AKAP13: variants seen among roughly 807,000 people sequenced by gnomAD.
AKAP13 encodes A-kinase anchor protein 13.
In AKAP13, 80 loss-of-function variants were observed where a neutral mutation model predicts 264.5. That is an observed-to-expected ratio of 0.30 (90% CI 0.25 to 0.36). AKAP13 has a LOEUF of 0.36. Ranked by LOEUF, AKAP13 falls within the 10% of genes least tolerant of loss-of-function variation. The probability of loss-of-function intolerance (pLI) is 1.00; values close to 1 mark genes in which losing one functional copy is unlikely to be tolerated. For missense variants in AKAP13, 3,712 were observed against 3,435.2 expected (o/e 1.08, Z -2.01); for synonymous variants, 1,380 against 1,250.2 (o/e 1.10, Z -2.19).
chr15:85,699,626 T>G (rs1216781567), intron 17 of AKAP13, among the ~76,000 whole-genome samples: 1 of 152,202 alleles, frequency 6.6e-6, no homozygotes, highest in Non-Finnish European at 1.5e-5. Flanking sequence ...AAAAACAAAA[T>G]GTAAATATTG....
intron 1 of AKAP13, among the ~76,000 whole-genome samples, chr15:85,441,202 A>G (rs1277398846): frequency 6.6e-6 from 1 of 150,556 alleles, no homozygotes; most frequent in Admixed American, 6.6e-5. Flanking sequence ...GGTATTTTTA[A>G]TCTTTTTTTT....
At chr15:85,625,984 C>T (rs754166744) in intron 8 of AKAP13, among the ~76,000 whole-genome samples, 75 of 152,188 alleles carry the variant, frequency 4.9e-4, no homozygotes, top group Admixed American at 1.2e-3. Context: ...TTATAGTAAG[C>T]ACAATATTCT....
chr15:85,579,290 G>T lies in AKAP13; in HGVS notation c.1222G>T (p.Gly408Ter). The T allele has an allele frequency of 6.2e-7, 1 of 1,614,204 alleles. No individual in the cohort carries two copies. The highest frequency in any genetic ancestry group is 8.5e-7 in the Non-Finnish European group (1 of 1,180,048). ...CTGCCTTCAGAGCTTGCCTGATTGT[G>T]GAGTAAAGGGCACGGAAGGCCTTTC... ...DSCLQSLPDC[G>*]VKGTEGLSSC... is the part of the protein sequence containing the mutation. Residue 408 changes from glycine (G) to a stop codon, truncating the protein, a stop_gained, in exon 7 of 37, where the codon GGA (glycine) becomes TGA (stop). Transcript: ENST00000394518. LOFTEE classifies it high-confidence loss of function.
intron 1 of AKAP13, among the ~76,000 whole-genome samples, chr15:85,438,781 T>C (rs1460951385): frequency 1.4e-3 from 216 of 151,738 alleles, no homozygotes; most frequent in African/African-American, 4.8e-3. Flanking sequence ...AAAGCTGAAA[T>C]TGAATCCCTT....
At position 85,514,935 on chromosome 15, in the gene AKAP13, CTT is replaced by C. The variant is rs1393695267; in HGVS notation, c.34-6492_34-6491del. Among the ~76,000 whole-genome samples the C allele has an allele frequency of 2.9e-5, 4 of 135,648 alleles. 1 individual carries two copies. The highest frequency in any genetic ancestry group is 6.2e-5 in the Non-Finnish European group (4 of 64,118). The allele number at this position is 135,648 out of a possible 152,430, so 89.0% of individuals were successfully genotyped here. On this transcript the variant is annotated intron_variant, in intron 2 of 36. Transcript: ENST00000394518. The stretch of plus-strand genomic sequence containing the variant: ...GTTTTTATTTAGTTTACTTAACTCT[CTT>C]GTTTCACTTTTCCCAAATTTGCAGT...
At chr15:85,621,922 A>C (rs2081209831) in intron 8 of AKAP13, among the ~76,000 whole-genome samples, 1 of 152,186 alleles carries the variant, frequency 6.6e-6, no homozygotes. Context: ...ATAATAAAAG[A>C]TTTTCAGTGG....
At chr15:85,699,893 G>A (rs939006928) in intron 17 of AKAP13, among the ~76,000 whole-genome samples, 1 of 152,202 alleles carries the variant, frequency 6.6e-6, no homozygotes, top group Admixed American at 6.5e-5. Context: ...GGAGATTTAA[G>A]GTTGAAAGTT....
Position 85,664,680 on chromosome 15 carries a change from G to T in AKAP13, c.4917G>T (p.Arg1639=). The T allele has an allele frequency of 1.2e-6, 2 of 1,614,104 alleles. No individual in the cohort carries two copies. Among genetic ancestry groups the T allele is most frequent in the Non-Finnish European group, 1.7e-6 (2 of 1,179,970 alleles). ...ELRHPFSGEE[R]VDSLVSLSEE... ...GACACCCATTCAGTGGTGAGGAACG[G>T]GTTGACTCTTTGGTGTCACTTTCAG... is the stretch of plus-strand genomic sequence containing the variant. The change falls in exon 13 of 37, where the codon CGG becomes CGT. Residue 1639 remains arginine, a synonymous_variant. Transcript: ENST00000394518.
intron 1 of AKAP13, among the ~76,000 whole-genome samples, chr15:85,473,285 T>A (rs1381092045): frequency 6.6e-6 from 1 of 152,188 alleles, no homozygotes; most frequent in Admixed American, 6.5e-5. Context: ...GATGTAGGCT[T>A]ACAGACCCAG....
intron 2 of AKAP13, among the ~76,000 whole-genome samples, chr15:85,487,112 CT>C (rs1596317728): frequency 6.6e-6 from 1 of 152,156 alleles, no homozygotes; most frequent in Non-Finnish European, 1.5e-5. Flanking sequence ...AAACTATAGC[CT>C]TGTGTCAGAG....
intron 1 of AKAP13, among the ~76,000 whole-genome samples, chr15:85,465,125 A>AT (rs566642021): frequency 1.4e-4 from 16 of 111,006 alleles, no homozygotes; most frequent in South Asian, 2.7e-4. Flanking sequence ...TTTTTTTTGT[A>AT]TTTTTTTTTA....
chr15:85,669,780 C>T lies in AKAP13; in HGVS notation c.5051C>T (p.Pro1684Leu). 6.2e-7 allele frequency: 1 copy of T among 1,613,668 alleles called. No homozygotes were observed. The highest frequency in any genetic ancestry group is 8.5e-7 in the Non-Finnish European group (1 of 1,179,654). ...FNYCTSAISSPLTKSISLMTI... is the reference protein window; with the variant it reads ...FNYCTSAISSLLTKSISLMTI... ...TACTGTACATCAGCCATTTCCTCTC[C>T]ATTGACAAAATCCATCTCATTAATG... The change falls in exon 14 of 37, where the codon CCA becomes CTA. Residue 1684 changes from proline to leucine, a missense_variant. This residue lies in a region of AKAP13 where 2,759 missense variants were observed against 2,411.7 expected (regional missense o/e 1.14). Coordinates refer to ENST00000394518, the MANE Select transcript of AKAP13 (RefSeq NM_007200.5).
chr15:85,486,463 G>A (rs2075548914), intron 2 of AKAP13, among the ~76,000 whole-genome samples: 1 of 151,870 alleles, frequency 6.6e-6, no homozygotes, highest in African/African-American at 2.4e-5. Context: ...TTTTTCTTTT[G>A]CATGTGGATC....
intron 30 of AKAP13, 79 bp from the exon 31 acceptor site, chr15:85,734,913 A>C (rs924126099): frequency 3.3e-6 from 5 of 1,533,874 alleles, no homozygotes; most frequent in Non-Finnish European, 3.5e-6. Context: ...TGCTCTTTGT[A>C]CGTATCATAT....
intron 2 of AKAP13, among the ~76,000 whole-genome samples, chr15:85,494,388 C>T (rs1398104736): frequency 3.3e-5 from 5 of 152,216 alleles, no homozygotes; most frequent in African/African-American, 7.2e-5. Context: ...TGGAAGAGAT[C>T]TGTCTAGGCC....
intron 8 of AKAP13, among the ~76,000 whole-genome samples, chr15:85,631,553 C>CACACACACAT (rs2081827700): frequency 7.4e-6 from 1 of 135,954 alleles, no homozygotes; most frequent in African/African-American, 2.7e-5. Context: ...CACACACACA[C>CACACACACAT]TAAATGCAAT....
intron 17 of AKAP13, 22 bp from the exon 18 acceptor site, chr15:85,707,997 C>G: frequency 1.2e-6 from 2 of 1,613,030 alleles, no homozygotes; most frequent in Non-Finnish European, 1.7e-6. Context: ...TCCATGTGAC[C>G]TTGGGTTTGC....
chr15:85,432,169 A>G lies in AKAP13; in HGVS notation c.-12+51371A>G, dbSNP rs1421634349. ...ATAGCTTTCTCTTTTAGCTATTTCA[A>G]CTCAATTCTAACCTCATTCCTAACT... On this transcript the variant is annotated intron_variant, in intron 1 of 36. Coordinates refer to ENST00000394518, the MANE Select transcript of AKAP13 (RefSeq NM_007200.5). Among the ~76,000 whole-genome samples, 12 of 152,238 alleles carry G rather than the reference A, an allele frequency of 7.9e-5. No individual in the cohort carries two copies. In the Middle Eastern group the frequency reaches 0.017, roughly 219 times the overall value.
intron 1 of AKAP13, among the ~76,000 whole-genome samples, chr15:85,480,115 G>T (rs2075303746): frequency 6.6e-6 from 1 of 152,156 alleles, no homozygotes; most frequent in Non-Finnish European, 1.5e-5. Flanking sequence ...AGATTATTTA[G>T]GGATGAAAAT....
Sources: gnomAD v4.1 joint callset for allele counts (sites outside exome capture counted in the v4.1 genomes callset) on GRCh38, gnomAD v4.1.1 for gene constraint, gnomAD v4.1.1 regional missense constraint, MANE v1.5 for transcripts, NCBI Gene and HGNC (gene_info 2026-07-23, HGNC 2026-07-21) for gene names.